The following CADPS2 variants were observed in gnomAD, a reference collection of about 807,000 sequenced individuals.
CADPS2 encodes the protein calcium-dependent secretion activator 2.
Under a neutral mutation model 172.5 loss-of-function variants are expected in CADPS2, and 93 were observed. That is an observed-to-expected ratio of 0.54 (90% CI 0.46 to 0.64). The LOEUF (loss-of-function observed/expected upper bound fraction) is 0.64, where lower values mean the gene tolerates loss of function less well. Ranked by LOEUF, CADPS2 falls within the 30% of genes least tolerant of loss-of-function variation. The pLI is 0.00. For synonymous variants in CADPS2, 546 were observed against 555.2 expected (o/e 0.98, Z 0.23); for missense variants, 1,420 against 1,565.9 (o/e 0.91, Z 1.57).
At chr7:122,820,311 C>A (rs951558991) in intron 1 of CADPS2, among the ~76,000 whole-genome samples, 30 of 152,264 alleles carry the variant, frequency 2.0e-4, no homozygotes, top group Non-Finnish European at 4.1e-4. Context: ...GCCCCCATTA[C>A]TTCAATCAAG....
At chr7:122,526,179 C>CTTATTTATTTATTTATTTATTTAT (rs3069351) in intron 8 of CADPS2, among the ~76,000 whole-genome samples, 1 of 149,742 alleles carries the variant, frequency 6.7e-6, no homozygotes, top group African/African-American at 2.5e-5. Context: ...CTTTGATACA[C>CTTATTTATTTATTTATTTATTTAT]TTATTTATTT....
chr7:122,554,837 G>T, intron 7 of CADPS2, 148 bp from the exon 8 acceptor site: 2 of 558,016 alleles, frequency 3.6e-6, no homozygotes, highest in Non-Finnish European at 2.9e-6. Flanking sequence ...TACTACAATA[G>T]CTGATGGATT....
intron 3 of CADPS2, among the ~76,000 whole-genome samples, chr7:122,639,611 A>C (rs1377317713): frequency 6.6e-6 from 1 of 152,194 alleles, no homozygotes; most frequent in Non-Finnish European, 1.5e-5. Flanking sequence ...TAGCTCTAAC[A>C]TCACAATGAA....
intron 1 of CADPS2, among the ~76,000 whole-genome samples, chr7:122,747,145 A>T (rs1380843268): frequency 6.6e-6 from 1 of 152,158 alleles, no homozygotes; most frequent in Non-Finnish European, 1.5e-5. Flanking sequence ...AGAGTTGAAG[A>T]GAAATAGAAA....
intron 1 of CADPS2, among the ~76,000 whole-genome samples, chr7:122,820,893 A>G (rs200739500): frequency 4.9e-5 from 7 of 143,236 alleles, no homozygotes; most frequent in African/African-American, 1.8e-4. Flanking sequence ...TCATGTCTGC[A>G]TGCAGTGGCT....
chr7:122,610,694 C>T (rs770609712), intron 6 of CADPS2, among the ~76,000 whole-genome samples: 34 of 151,450 alleles, frequency 2.2e-4, no homozygotes, highest in Non-Finnish European at 4.1e-4. Flanking sequence ...TATTTTATAC[C>T]TAAATAAAAC....
At chr7:122,547,485 A>G (rs1423306930) in intron 8 of CADPS2, among the ~76,000 whole-genome samples, 1 of 152,166 alleles carries the variant, frequency 6.6e-6, no homozygotes, top group Non-Finnish European at 1.5e-5. Flanking sequence ...CTGTGAGCAT[A>G]ATTTCTGCAT....
intron 7 of CADPS2, among the ~76,000 whole-genome samples, chr7:122,571,784 G>A (rs1019061992): frequency 4.6e-5 from 7 of 152,088 alleles, no homozygotes; most frequent in African/African-American, 1.7e-4. Flanking sequence ...GCCATATGTA[G>A]CCAATACATG....
intron 1 of CADPS2, among the ~76,000 whole-genome samples, chr7:122,744,608 C>T (rs1008815185): frequency 6.6e-6 from 1 of 152,176 alleles, no homozygotes; most frequent in Non-Finnish European, 1.5e-5. Context: ...CCAAATTCCA[C>T]TGTCACACAG....
intron 1 of CADPS2, among the ~76,000 whole-genome samples, chr7:122,771,987 GGTGAGGAACA>G (rs1457543037): frequency 6.6e-6 from 1 of 152,176 alleles, no homozygotes; most frequent in Non-Finnish European, 1.5e-5. Context: ...CAATAGACCA[GGTGAGGAACA>G]GTGAGGAACA....
intron 5 of CADPS2, among the ~76,000 whole-genome samples, chr7:122,618,927 T>C (rs900553343): frequency 6.6e-6 from 1 of 152,178 alleles, no homozygotes; most frequent in Non-Finnish European, 1.5e-5. Context: ...TATTATGCTA[T>C]GGTAGGAAAA....
intron 8 of CADPS2, among the ~76,000 whole-genome samples, chr7:122,527,926 G>A (rs895814930): frequency 6.6e-6 from 1 of 152,220 alleles, no homozygotes; most frequent in East Asian, 1.9e-4. Flanking sequence ...GAGAAAGAGA[G>A]AGAACCTAAA....
At chr7:122,378,200 G>C (rs2042576497) in intron 25 of CADPS2, among the ~76,000 whole-genome samples, 1 of 152,090 alleles carries the variant, frequency 6.6e-6, no homozygotes, top group South Asian at 2.1e-4. Flanking sequence ...AATTAAGGTT[G>C]TTTCCAAATA....
At chr7:122,615,925 T>C (rs1179380555) in intron 5 of CADPS2, among the ~76,000 whole-genome samples, 4 of 152,146 alleles carry the variant, frequency 2.6e-5, no homozygotes, top group Non-Finnish European at 1.5e-5. Context: ...ATTAAAGATA[T>C]GTACTAATTT....
chr7:122,533,147 T>C (rs1440488318), intron 8 of CADPS2, among the ~76,000 whole-genome samples: 1 of 152,122 alleles, frequency 6.6e-6, no homozygotes, highest in African/African-American at 2.4e-5. Flanking sequence ...ATACTGGCAG[T>C]TGTCTATTTG....
chr7:122,369,678 A>G (rs917844007), intron 25 of CADPS2: 20 of 152,268 alleles, frequency 1.3e-4, no homozygotes, highest in Admixed American at 2.6e-4. Flanking sequence ...TACTGACATC[A>G]TGGTCTTTCT....
At chr7:122,599,588 A>T (rs572860906) in intron 6 of CADPS2, among the ~76,000 whole-genome samples, 20 of 152,174 alleles carry the variant, frequency 1.3e-4, no homozygotes, top group African/African-American at 4.8e-4. Flanking sequence ...TGAGTAAGGT[A>T]TCCATGTGAA....
chr7:122,657,669 G>A (rs1348121012), intron 3 of CADPS2, among the ~76,000 whole-genome samples: 1 of 152,162 alleles, frequency 6.6e-6, no homozygotes. Context: ...TGTATCCTGA[G>A]ATTTTGCTGA....
chr7:122,458,493 T>C (rs1013458796), intron 14 of CADPS2, among the ~76,000 whole-genome samples: 1 of 152,180 alleles, frequency 6.6e-6, no homozygotes, highest in Non-Finnish European at 1.5e-5. Flanking sequence ...ATATGATCAT[T>C]GAGATATAAA....
Sources: allele counts gnomAD v4.1 joint callset (sites outside exome capture counted in the v4.1 genomes callset), GRCh38; gene constraint gnomAD v4.1.1; transcripts MANE v1.5; gene names NCBI Gene and HGNC (gene_info 2026-07-23, HGNC 2026-07-21).